C12orf42: variants seen among roughly 807,000 people sequenced by gnomAD.
C12orf42 encodes the protein uncharacterized protein C12orf42.
C12orf42 carries 25 observed loss-of-function variants against 21.6 expected under a neutral mutation model. That is an observed-to-expected ratio of 1.16 (90% CI 0.84 to 1.62). C12orf42 has a LOEUF of 1.62. Among genes scored for constraint, C12orf42 ranks in the 40% most tolerant of loss-of-function variants. The probability of loss-of-function intolerance (pLI) is 0.00; values close to 1 mark genes in which losing one functional copy is unlikely to be tolerated. For synonymous variants in C12orf42, 174 were observed against 175.0 expected, an observed-to-expected ratio of 0.99 and a Z score of 0.05; for missense variants, 483 against 459.3, an observed-to-expected ratio of 1.05 and a Z score of -0.47.
At chr12:103,098,903 CTG>C in the C12orf42 span, among the ~76,000 whole-genome samples, 2 of 152,258 alleles carry the variant, frequency 1.3e-5, no homozygotes, top group Non-Finnish European at 2.9e-5. Context: ...TGAGCAAAGA[CTG>C]GAGTTGTAAG....
the C12orf42 span, among the ~76,000 whole-genome samples, chr12:103,155,825 A>G: frequency 2.0e-5 from 3 of 150,810 alleles, no homozygotes; most frequent in Non-Finnish European, 3.0e-5. Flanking sequence ...ATATATAGAT[A>G]TGTGTGTATA....
At chr12:103,190,992 A>T in the C12orf42 span, among the ~76,000 whole-genome samples, 1 of 152,184 alleles carries the variant, frequency 6.6e-6, no homozygotes. Flanking sequence ...AGACAAAGGT[A>T]ATTTTAAAAT....
At chr12:103,384,487 G>C (rs1379568074) in intron 3 of C12orf42, among the ~76,000 whole-genome samples, 2 of 152,298 alleles carry the variant, frequency 1.3e-5, no homozygotes, top group East Asian at 1.9e-4. Flanking sequence ...TCTTCGTCTA[G>C]GGTGAAGTAC....
At chr12:103,506,334 A>G in the C12orf42 span, among the ~76,000 whole-genome samples, 1 of 103,902 alleles carries the variant, frequency 9.6e-6, no homozygotes, top group South Asian at 4.0e-4. Context: ...AAACAAAACA[A>G]AAAAAAAACC....
chr12:103,247,590 C>A (rs2034069182), intron 10 of C12orf42, among the ~76,000 whole-genome samples: 1 of 152,126 alleles, frequency 6.6e-6, no homozygotes, highest in Middle Eastern at 3.4e-3. Context: ...CCTAGGCCAG[C>A]TTGTCCTCCT....
chr12:103,552,033 T>C, the C12orf42 span, among the ~76,000 whole-genome samples: 12 of 101,014 alleles, frequency 1.2e-4, no homozygotes, highest in Non-Finnish European at 1.9e-4. Flanking sequence ...TATGTTGACC[T>C]TTTTTTTTTA....
At chr12:103,263,411 A>T (rs2035008193) in intron 9 of C12orf42, 1 of 152,180 alleles carries the variant, frequency 6.6e-6, no homozygotes, top group South Asian at 2.1e-4. Context: ...GCCATAAACC[A>T]CTACCCCCAA....
At chr12:103,498,110 G>T (rs940027433), upstream of C12orf42, among the ~76,000 whole-genome samples, 1 of 151,942 alleles carries the variant, frequency 6.6e-6, no homozygotes, top group African/African-American at 2.4e-5. Flanking sequence ...AGGGAAAAAT[G>T]TATTCACAAA....
At chr12:103,066,503 T>A in the C12orf42 span, among the ~76,000 whole-genome samples, 1,779 of 152,320 alleles carry the variant, frequency 0.012, 40 homozygotes, top group African/African-American at 0.041. Context: ...CTGCACGATA[T>A]GCAGGCACCA....
the C12orf42 span, among the ~76,000 whole-genome samples, chr12:103,084,784 G>C: frequency 6.6e-6 from 1 of 152,288 alleles, no homozygotes; most frequent in East Asian, 1.9e-4. Context: ...CAACAACCAA[G>C]TATGCATTGA....
At chr12:103,288,327 A>T (rs1241720067) in intron 4 of C12orf42, among the ~76,000 whole-genome samples, 1 of 152,188 alleles carries the variant, frequency 6.6e-6, no homozygotes, top group Non-Finnish European at 1.5e-5. Context: ...ACGAGAATTC[A>T]GTGCAAATTG....
the C12orf42 span, among the ~76,000 whole-genome samples, chr12:103,212,369 GT>G: frequency 6.6e-6 from 1 of 152,064 alleles, no homozygotes; most frequent in African/African-American, 2.4e-5. Context: ...TCATTTAGAT[GT>G]TTTCCTTTTA....
chr12:103,257,630 T>C (rs1458532086), intron 10 of C12orf42, among the ~76,000 whole-genome samples: 1 of 151,730 alleles, frequency 6.6e-6, no homozygotes, highest in African/African-American at 2.4e-5. Context: ...GGAAAACACA[T>C]AGTTAAGGGA....
intron 2 of C12orf42, among the ~76,000 whole-genome samples, chr12:103,437,956 AAG>A (rs1402457914): frequency 0.013 from 1,963 of 150,156 alleles, 17 homozygotes; most frequent in African/African-American, 0.045. Flanking sequence ...ACAACAAAAA[AAG>A]AGAATTTTAG....
chr12:103,078,895 G>A, the C12orf42 span, among the ~76,000 whole-genome samples: 4,288 of 152,146 alleles, frequency 0.028, 97 homozygotes, highest in African/African-American at 0.044. Context: ...TTTATTTGAC[G>A]TCTTATACTG....
At chr12:103,448,715 C>T (rs574988836) in intron 2 of C12orf42, among the ~76,000 whole-genome samples, 2 of 151,836 alleles carry the variant, frequency 1.3e-5, no homozygotes, top group Admixed American at 1.3e-4. Flanking sequence ...CAGGGAAATG[C>T]AGATCAAAAT....
upstream of C12orf42, among the ~76,000 whole-genome samples, chr12:103,499,489 G>A (rs1411686220): frequency 6.6e-6 from 1 of 152,200 alleles, no homozygotes; most frequent in African/African-American, 2.4e-5. Context: ...TGATGAGTGA[G>A]CCATGAACTG....
the C12orf42 span, among the ~76,000 whole-genome samples, chr12:103,537,535 A>G: frequency 6.6e-6 from 1 of 152,178 alleles, no homozygotes; most frequent in Non-Finnish European, 1.5e-5. Context: ...AAACACAACC[A>G]TAATCTTTTG....
the C12orf42 span, among the ~76,000 whole-genome samples, chr12:103,212,554 A>G: frequency 1.3e-5 from 2 of 152,066 alleles, no homozygotes; most frequent in African/African-American, 4.8e-5. Context: ...GGAGGGCAAA[A>G]CTATTTCATG....
Sources: allele counts gnomAD v4.1 joint callset (sites outside exome capture counted in the v4.1 genomes callset), GRCh38; gene constraint gnomAD v4.1.1; transcripts MANE v1.5; gene names NCBI Gene and HGNC (gene_info 2026-07-23, HGNC 2026-07-21).